The following NOL4 variants were observed in gnomAD, a reference collection of about 807,000 sequenced individuals.
The protein encoded by NOL4 is nucleolar protein 4.
NOL4 carries 17 observed loss-of-function variants against 75.9 expected under a neutral mutation model. That is an observed-to-expected ratio of 0.22 (90% CI 0.15 to 0.34). The LOEUF (loss-of-function observed/expected upper bound fraction) is 0.34, where lower values mean the gene tolerates loss of function less well. Ranked by LOEUF, NOL4 falls within the 10% of genes least tolerant of loss-of-function variation. The pLI is 1.00. For synonymous variants in NOL4, 292 were observed against 289.9 expected, an observed-to-expected ratio of 1.01 and a Z score of -0.07; for missense variants, 614 against 793.5, an observed-to-expected ratio of 0.77 and a Z score of 2.72.
At chr18:34,091,535 TAGATCTTGGACTCCC>T (rs1279951655) in intron 5 of NOL4, among the ~76,000 whole-genome samples, 3 of 152,080 alleles carry the variant, frequency 2.0e-5, no homozygotes, top group Admixed American at 6.6e-5. Flanking sequence ...TACTGGCACC[TAGATCTTGGACTCCC>T]AGATCTTGGA....
chr18:34,181,586 T>C (rs1260991399), intron 1 of NOL4, among the ~76,000 whole-genome samples: 1 of 151,512 alleles, frequency 6.6e-6, no homozygotes, highest in Non-Finnish European at 1.5e-5. Context: ...TCATCAAAAT[T>C]AAAAACTTTT....
At chr18:33,873,978 C>A (rs1237213473) in intron 10 of NOL4, among the ~76,000 whole-genome samples, 2 of 151,804 alleles carry the variant, frequency 1.3e-5, no homozygotes, top group Admixed American at 1.3e-4. Context: ...CATGAGATAA[C>A]CCCAGAGACA....
chr18:33,997,770 C>A (rs374315722), intron 6 of NOL4, among the ~76,000 whole-genome samples: 2 of 149,666 alleles, frequency 1.3e-5, no homozygotes, highest in African/African-American at 4.9e-5. Flanking sequence ...GTAGAAATAC[C>A]ACAAAATGAA....
Position 34,019,328 on chromosome 18 carries a change from T to C in NOL4, c.1046A>G (p.Asn349Ser). ...GTAATGTGATCATACCTTGCTTCCA[T>C]TTTCTCTCGCCTCTCGTTCCATCTT... is the stretch of plus-strand genomic sequence containing the variant. ...DLKMEREARE[N>S]GSKSPAHSYS... The change falls in exon 6 of 11, where the codon AAT (asparagine) becomes AGT (serine). Residue 349 changes from asparagine to serine, a missense_variant. Asn to Ser is a conservative substitution (Grantham distance 46, BLOSUM62 1). This residue lies in a region of NOL4 where 196 missense variants were observed against 167.9 expected (regional missense o/e 1.17). Transcript: ENST00000261592. 1 of 1,613,018 alleles carries C rather than the reference T, an allele frequency of 6.2e-7. No individual in the cohort carries two copies. The highest frequency in any genetic ancestry group is 8.5e-7 in the Non-Finnish European group (1 of 1,179,136).
intron 5 of NOL4, among the ~76,000 whole-genome samples, chr18:34,070,270 C>T (rs1256431087): frequency 1.3e-5 from 2 of 152,216 alleles, no homozygotes; most frequent in Admixed American, 6.5e-5. Flanking sequence ...CCGCCCGCCT[C>T]GGCCTCCCAA....
chr18:34,073,562 A>G (rs1240218524), intron 5 of NOL4, among the ~76,000 whole-genome samples: 1 of 152,002 alleles, frequency 6.6e-6, no homozygotes, highest in Admixed American at 6.5e-5. Flanking sequence ...GACACAGAAA[A>G]TGAGTCTGTA....
At chr18:33,883,883 A>T (rs988865974) in intron 9 of NOL4, among the ~76,000 whole-genome samples, 1 of 152,146 alleles carries the variant, frequency 6.6e-6, no homozygotes, top group Non-Finnish European at 1.5e-5. Flanking sequence ...GTGTGATGCC[A>T]CTTATAAGGT....
chr18:33,937,220 G>T (rs188827714), intron 9 of NOL4, among the ~76,000 whole-genome samples: 1 of 152,078 alleles, frequency 6.6e-6, no homozygotes, highest in East Asian at 1.9e-4. Context: ...TCCTGTCCTT[G>T]CCACTGGCTT....
In NOL4 at chr18:34,104,059, T is replaced by G; in HGVS notation, c.627A>C (p.Ser209=). 6.2e-7 allele frequency: 1 copy of G among 1,608,822 alleles called. No individual in the cohort carries two copies. The highest frequency in any genetic ancestry group is 8.5e-7 in the Non-Finnish European group (1 of 1,175,620). Residue 209 remains serine (S), a synonymous_variant, in exon 4 of 11, where the codon TCA becomes TCC. Transcript: ENST00000261592. ...GTTTTTATTTTACCTCATCTTGCTG[T>G]GAGTTTAGCAGCTGCAGCTTCATGT... ...MKHMKLQLLN[S]QQDEDESSIE...
chr18:34,049,275 T>A lies in NOL4; in HGVS notation c.773-29674A>T, dbSNP rs566722651. On this transcript the variant is annotated intron_variant, in intron 5 of 10. Transcript: ENST00000261592. ...ACTGCTAATCATTTAGAAAAATAATTATAACCGGAATTTAAGTGCCTGTGC... is the reference window on the plus strand; with the variant it reads ...ACTGCTAATCATTTAGAAAAATAATAATAACCGGAATTTAAGTGCCTGTGC... Among the ~76,000 whole-genome samples the A allele has an allele frequency of 6.1e-4, 92 of 151,806 alleles. 1 individual carries two copies. The highest frequency in any genetic ancestry group is 2.3e-3 in the South Asian group (11 of 4,812).
intron 5 of NOL4, among the ~76,000 whole-genome samples, chr18:34,056,118 G>A (rs2076825530): frequency 6.6e-6 from 1 of 152,090 alleles, no homozygotes; most frequent in Non-Finnish European, 1.5e-5. Context: ...AAAGTTCAGT[G>A]ATTTGCCTTT....
At chr18:33,860,854 AT>A (rs1357011990) in intron 10 of NOL4, among the ~76,000 whole-genome samples, 1 of 151,984 alleles carries the variant, frequency 6.6e-6, no homozygotes, top group Non-Finnish European at 1.5e-5. Flanking sequence ...GAGTTGTTGA[AT>A]TTTGTCAAAG....
chr18:34,118,544 T>C (rs2079972313), intron 2 of NOL4, among the ~76,000 whole-genome samples: 1 of 152,218 alleles, frequency 6.6e-6, no homozygotes, highest in Non-Finnish European at 1.5e-5. Context: ...CAGAGCGGCC[T>C]CTATCTGAGG....
intron 5 of NOL4, among the ~76,000 whole-genome samples, chr18:34,034,878 T>A (rs1215622044): frequency 6.6e-6 from 1 of 151,696 alleles, no homozygotes; most frequent in African/African-American, 2.4e-5. Context: ...TATGTAATGA[T>A]AAAACAATAA....
intron 5 of NOL4, among the ~76,000 whole-genome samples, chr18:34,062,196 C>T (rs574297889): frequency 4.6e-5 from 7 of 151,904 alleles, no homozygotes; most frequent in Admixed American, 4.6e-4. Context: ...GCAAGTGTAC[C>T]ACTGAACTTT....
At chr18:34,222,716 G>A (rs1463547254) in intron 1 of NOL4, among the ~76,000 whole-genome samples, 3 of 151,412 alleles carry the variant, frequency 2.0e-5, no homozygotes, top group African/African-American at 4.9e-5. Context: ...GGGGAAGGAA[G>A]CTCCTGCAGC....
intron 2 of NOL4, among the ~76,000 whole-genome samples, chr18:34,116,578 T>C (rs1289962243): frequency 6.6e-6 from 1 of 152,200 alleles, no homozygotes; most frequent in Non-Finnish European, 1.5e-5. Context: ...TAATATATAA[T>C]ACTAAAGTTT....
chr18:34,165,675 A>G (rs1600772900), intron 1 of NOL4, among the ~76,000 whole-genome samples: 1 of 152,282 alleles, frequency 6.6e-6, no homozygotes, highest in East Asian at 1.9e-4. Flanking sequence ...GGAGACTAGA[A>G]AAAGTTAAGA....
At chr18:34,090,228 A>C (rs2078447524) in intron 5 of NOL4, among the ~76,000 whole-genome samples, 1 of 152,184 alleles carries the variant, frequency 6.6e-6, no homozygotes, top group Non-Finnish European at 1.5e-5. Flanking sequence ...AATTATGGTA[A>C]AAAGTTATAT....
Sources: allele counts gnomAD v4.1 joint callset (sites outside exome capture counted in the v4.1 genomes callset), GRCh38; gene constraint gnomAD v4.1.1; regional missense constraint gnomAD v4.1.1; transcripts MANE v1.5; gene names NCBI Gene and HGNC (gene_info 2026-07-23, HGNC 2026-07-21).